SPOCK2: variants seen among roughly 807,000 people sequenced by gnomAD.
The protein encoded by SPOCK2 is testican-2.
In SPOCK2, 39 loss-of-function variants were observed where a neutral mutation model predicts 60.1. That is an observed-to-expected ratio of 0.65 (90% CI 0.50 to 0.85). The LOEUF is 0.85. Ranked by LOEUF, SPOCK2 falls within the 40% of genes least tolerant of loss-of-function variation. The pLI is 0.00. For synonymous variants in SPOCK2, 217 were observed against 231.5 expected, an observed-to-expected ratio of 0.94 and a Z score of 0.57; for missense variants, 523 against 567.4, an observed-to-expected ratio of 0.92 and a Z score of 0.80.
rs1840601408 is a variant in SPOCK2, at chr10:72,068,409, T to C, written c.475-108A>G. 4 of 1,214,314 alleles carry C rather than the reference T, an allele frequency of 3.3e-6. No homozygotes were observed. The East Asian group carries it at 1.0e-4, about 31-fold the overall frequency. 75.2% of individuals were successfully genotyped at this position (1,214,314 alleles called of 1,614,324 possible). ...TGGCAGCCACATCTGCCTCCCCCCA[T>C]GGAGTGCCCATGAACAGCCTGAAGG... On this transcript the variant is annotated intron_variant, in intron 5 of 10. Transcript: ENST00000373109.
intron 1 of SPOCK2, among the ~76,000 whole-genome samples, chr10:72,077,039 C>CTT (rs1840723530): frequency 6.6e-6 from 1 of 152,190 alleles, no homozygotes; most frequent in African/African-American, 2.4e-5. Context: ...GCCTGGCCCA[C>CTT]GGTGTGTCCT....
Position 72,070,652 on chromosome 10 carries a change from T to C in SPOCK2, c.360-226A>G, listed in dbSNP as rs7090155. On this transcript the variant is annotated intron_variant, in intron 4 of 10. Coordinates refer to ENST00000373109, the MANE Select transcript of SPOCK2 (RefSeq NM_001244950.2). ...GCATAAATTCCCCCAGCTTCTCTTC[T>C]TCTAGGAGTCACTGAGTCCCATGGG... is the stretch of plus-strand genomic sequence containing the variant. 7.9e-3 allele frequency among the ~76,000 whole-genome samples: 1,194 copies of C among 151,402 alleles called. 17 individuals carry two copies. Among genetic ancestry groups the C allele is most frequent in the African/African-American group, 0.027 (1,120 of 41,350 alleles).
chr10:72,073,857 G>C (rs556848677), intron 1 of SPOCK2, among the ~76,000 whole-genome samples: 7 of 152,356 alleles, frequency 4.6e-5, no homozygotes, highest in Middle Eastern at 3.4e-3. Context: ...CTACGGGGCA[G>C]AGACAGTTGC....
chr10:72,081,592 C>A (rs1268100748), intron 1 of SPOCK2, among the ~76,000 whole-genome samples: 2 of 152,238 alleles, frequency 1.3e-5, no homozygotes, highest in Non-Finnish European at 2.9e-5. Flanking sequence ...AGGCTCAGAG[C>A]ACCCTCTCCA....
intron 6 of SPOCK2, 138 bp from the exon 7 acceptor site, chr10:72,067,870 G>C (rs61158288): frequency 7.4e-7 from 1 of 1,357,046 alleles, no homozygotes. Context: ...GGTGGAAATC[G>C]GGGGCTTCCT....
intron 3 of SPOCK2, 110 bp downstream of exon 3, chr10:72,072,393 C>T: frequency 6.5e-7 from 1 of 1,541,506 alleles, no homozygotes; most frequent in Non-Finnish European, 8.8e-7. Flanking sequence ...GTCCCATCCC[C>T]ACCGGGGCCT....
intron 5 of SPOCK2, 97 bp downstream of exon 5, chr10:72,070,214 TG>T: frequency 1.6e-6 from 2 of 1,219,084 alleles, no homozygotes; most frequent in Non-Finnish European, 2.3e-6. Context: ...ACCTCAGTCC[TG>T]GAAACCCCTC....
At chr10:72,069,709 C>T (rs940770294) in intron 5 of SPOCK2, among the ~76,000 whole-genome samples, 6 of 152,158 alleles carry the variant, frequency 3.9e-5, no homozygotes, top group African/African-American at 2.4e-5. Flanking sequence ...CCACCCGTCT[C>T]GGCCTCTCAA....
chr10:72,083,147 C>A (rs1683733731), intron 1 of SPOCK2, among the ~76,000 whole-genome samples: 1 of 152,184 alleles, frequency 6.6e-6, no homozygotes, highest in African/African-American at 2.4e-5. Flanking sequence ...TCTCAGGTTT[C>A]TTGGTCTCCA....
At chr10:72,063,564 C>T (rs1325992510) in intron 9 of SPOCK2, among the ~76,000 whole-genome samples, 1 of 152,258 alleles carries the variant, frequency 6.6e-6, no homozygotes, top group Non-Finnish European at 1.5e-5. Flanking sequence ...CTCCCAGCCA[C>T]TCTGAGTCCG....
chr10:72,070,472 G>A (rs1268906251), intron 4 of SPOCK2, 46 bp from the exon 5 acceptor site: 1 of 1,581,746 alleles, frequency 6.3e-7, no homozygotes, highest in East Asian at 2.2e-5. Context: ...GTGACAATGA[G>A]GAAGGAGCAG....
chr10:72,085,878 G>A (rs1840848565), intron 1 of SPOCK2, among the ~76,000 whole-genome samples: 2 of 152,222 alleles, frequency 1.3e-5, no homozygotes, highest in South Asian at 4.1e-4. Flanking sequence ...GGCAGAAGAG[G>A]GATATGTTTG....
chr10:72,068,312 G>T lies in SPOCK2; in HGVS notation c.475-11C>A. 6.2e-7 allele frequency: 1 copy of T among 1,600,062 alleles called. No individual in the cohort carries two copies. Among genetic ancestry groups the T allele is most frequent in the South Asian group, 1.1e-5 (1 of 89,014 alleles). On this transcript the variant is annotated splice_polypyrimidine_tract_variant and intron_variant, in intron 5 of 10. Coordinates refer to ENST00000373109, the MANE Select transcript of SPOCK2 (RefSeq NM_001244950.2). ...TTGCTCCAGCTTACACTGCACATGGGGAAAGGTGGAACAGGGGACTGAGGG... is the reference window on the plus strand; with the variant it reads ...TTGCTCCAGCTTACACTGCACATGGTGAAAGGTGGAACAGGGGACTGAGGG...
At chr10:72,072,592 C>A (rs1178116701) in intron 2 of SPOCK2, 44 bp from the exon 3 acceptor site, 1 of 1,613,010 alleles carries the variant, frequency 6.2e-7, no homozygotes, top group Admixed American at 1.7e-5. Context: ...AGGCTAAGAT[C>A]CATATCCCAG....
Position 72,062,535 on chromosome 10 carries a change from T to C in SPOCK2, c.*225A>G. On this transcript the variant is annotated 3_prime_UTR_variant, in exon 11 of 11. Transcript: ENST00000373109. This position sits in a 1 kb window ranked among gnomAD's most constrained non-coding sequence, Gnocchi z 4.3. ...GATCAAGGACACATTTGTCAGCGCA[T>C]GCCACACACACACACACATACACAC... 1 of 759,288 alleles carries C rather than the reference T, an allele frequency of 1.3e-6. No homozygotes were observed. Among genetic ancestry groups the C allele is most frequent in the Non-Finnish European group, 2.0e-6 (1 of 508,286 alleles). The allele number at this position is 759,288 out of a possible 1,614,324, so 47.0% of individuals were successfully genotyped here. A position where few individuals can be genotyped will look rare whatever the true frequency, so the allele number is the denominator to read the frequency against.
chr10:72,064,365 G>C (rs998808291), intron 8 of SPOCK2, 125 bp from the exon 9 acceptor site: 1 of 1,073,758 alleles, frequency 9.3e-7, no homozygotes, highest in Non-Finnish European at 1.3e-6. Context: ...TTTCTGACAC[G>C]GGGTCACCCC....
intron 1 of SPOCK2, among the ~76,000 whole-genome samples, chr10:72,083,267 G>T (rs1840811384): frequency 6.6e-6 from 1 of 152,214 alleles, no homozygotes; most frequent in South Asian, 2.1e-4. Flanking sequence ...CGGTGGTGTG[G>T]TAGGATAAGC....
In SPOCK2 at chr10:72,068,270, C is replaced by A. The variant is rs1455444204; in HGVS notation, c.506G>T (p.Ser169Ile). 4 of 1,611,924 alleles carry A rather than the reference C, an allele frequency of 2.5e-6. No individual in the cohort carries two copies. The highest frequency in any genetic ancestry group is 1.3e-5 in the African/African-American group (1 of 74,920). The part of the protein sequence containing the change: ...CKLEQQACLS[S>I]KQLAVRCEGP... ...CTCGCATCGCACCGCCAGCTGCTTG[C>A]TGCTCAGGCACGCCTGTTGCTCCAG... is the stretch of plus-strand genomic sequence containing the variant. Residue 169 changes from serine to isoleucine, a missense_variant, in exon 6 of 11, where the codon AGC (serine) becomes ATC (isoleucine). Coordinates refer to ENST00000373109, the MANE Select transcript of SPOCK2 (RefSeq NM_001244950.2).
intron 1 of SPOCK2, among the ~76,000 whole-genome samples, chr10:72,084,789 A>T (rs1020291672): frequency 6.6e-6 from 1 of 152,186 alleles, no homozygotes; most frequent in South Asian, 2.1e-4. Context: ...GTAAAGTAAC[A>T]ATAACTATCT....
Sources: allele counts gnomAD v4.1 joint callset (sites outside exome capture counted in the v4.1 genomes callset), GRCh38; gene constraint gnomAD v4.1.1; non-coding constraint Gnocchi (gnomAD v3.1); transcripts MANE v1.5; gene names NCBI Gene and HGNC (gene_info 2026-07-23, HGNC 2026-07-21).